The following POT1 variants were observed in gnomAD, a reference collection of about 807,000 sequenced individuals.
POT1 encodes protection of telomeres protein 1.
In POT1, 47 loss-of-function variants were observed where a neutral mutation model predicts 78.5. The ratio of observed to expected loss-of-function variants is 0.60; its 90% CI spans 0.47 to 0.76. The LOEUF is 0.76. Among genes scored for constraint, POT1 ranks in the 30% least tolerant of loss-of-function variants. POT1 has a pLI of 0.00. For synonymous variants in POT1, 259 were observed against 260.7 expected (o/e 0.99, Z 0.06); for missense variants, 646 against 749.9 (o/e 0.86, Z 1.62).
intron 7 of POT1, among the ~76,000 whole-genome samples, chr7:124,868,682 T>C (rs914519409): frequency 2.7e-5 from 4 of 150,444 alleles, no homozygotes; most frequent in African/African-American, 7.3e-5. Context: ...TCCTAAGGAA[T>C]TGGATTGAAT....
At chr7:124,871,617 A>G (rs1386996523) in intron 6 of POT1, among the ~76,000 whole-genome samples, 4 of 152,128 alleles carry the variant, frequency 2.6e-5, no homozygotes, top group African/African-American at 9.7e-5. Flanking sequence ...ATTATAACAA[A>G]AGAGAGGTAT....
At chr7:124,909,475 G>C (rs1796839919) in intron 3 of POT1, among the ~76,000 whole-genome samples, 2 of 151,838 alleles carry the variant, frequency 1.3e-5, no homozygotes, top group South Asian at 2.1e-4. Flanking sequence ...TTTACCTTTG[G>C]GTTGGAACAA....
At chr7:124,887,871 C>T (rs1796282955) in intron 6 of POT1, among the ~76,000 whole-genome samples, 1 of 152,082 alleles carries the variant, frequency 6.6e-6, no homozygotes, top group Non-Finnish European at 1.5e-5. Context: ...TTTATTACCT[C>T]ACAATAAACT....
intron 17 of POT1, among the ~76,000 whole-genome samples, chr7:124,827,009 T>C (rs1794646614): frequency 6.6e-6 from 1 of 152,188 alleles, no homozygotes; most frequent in Non-Finnish European, 1.5e-5. Flanking sequence ...TTCCTTAATT[T>C]TTCACTATTC....
At chr7:124,878,204 T>C (rs1469308756) in intron 6 of POT1, among the ~76,000 whole-genome samples, 1 of 151,926 alleles carries the variant, frequency 6.6e-6, no homozygotes, top group East Asian at 1.9e-4. Flanking sequence ...TGGTGGTGCG[T>C]GCCTGTAATC....
At chr7:124,899,713 A>G (rs938077874) in intron 3 of POT1, among the ~76,000 whole-genome samples, 4 of 146,436 alleles carry the variant, frequency 2.7e-5, no homozygotes, top group African/African-American at 7.7e-5. Flanking sequence ...GGAAGCCAAC[A>G]GTTTATCAGT....
chr7:124,908,103 C>A (rs1401306902), intron 3 of POT1, among the ~76,000 whole-genome samples: 1 of 151,866 alleles, frequency 6.6e-6, no homozygotes, highest in Non-Finnish European at 1.5e-5. Flanking sequence ...AACTGATAAT[C>A]CAAAATGAAA....
intron 6 of POT1, among the ~76,000 whole-genome samples, chr7:124,876,582 G>A (rs1001022306): frequency 3.3e-5 from 5 of 152,138 alleles, no homozygotes; most frequent in African/African-American, 1.2e-4. Flanking sequence ...TCCCCACAAT[G>A]AGGTTATATC....
At chr7:124,891,127 T>G (rs1246012895) in intron 6 of POT1, among the ~76,000 whole-genome samples, 1 of 151,836 alleles carries the variant, frequency 6.6e-6, no homozygotes, top group Non-Finnish European at 1.5e-5. Flanking sequence ...TGAAACCTCC[T>G]ACTATAATTG....
chr7:124,882,936 T>A (rs1184620251), intron 6 of POT1, among the ~76,000 whole-genome samples: 1 of 151,984 alleles, frequency 6.6e-6, no homozygotes, highest in Non-Finnish European at 1.5e-5. Context: ...GAGAGGAAAG[T>A]GTCTTTTCTC....
intron 15 of POT1, among the ~76,000 whole-genome samples, chr7:124,834,588 G>A (rs978533111): frequency 1.3e-5 from 2 of 151,612 alleles, no homozygotes; most frequent in Admixed American, 1.3e-4. Flanking sequence ...AAAAAGTCAG[G>A]AAACAACAGA....
chr7:124,841,680 T>C (rs987118753), intron 13 of POT1, among the ~76,000 whole-genome samples: 3 of 152,004 alleles, frequency 2.0e-5, no homozygotes, highest in African/African-American at 7.2e-5. Context: ...AATGGCATCA[T>C]TTGGAATCAA....
At chr7:124,852,286 AAAGT>A (rs1457821423) in intron 10 of POT1, among the ~76,000 whole-genome samples, 3 of 152,214 alleles carry the variant, frequency 2.0e-5, no homozygotes, top group Non-Finnish European at 4.4e-5. Flanking sequence ...AATTGATATA[AAAGT>A]AATAAAACAG....
chr7:124,835,246 C>T, intron 15 of POT1, 33 bp downstream of exon 15: 1 of 600,080 alleles, frequency 1.7e-6, no homozygotes, highest in Non-Finnish European at 2.2e-6. Flanking sequence ...GTATAATAAA[C>T]AAAACAAAAC....
chr7:124,823,069 T>G lies in POT1; in HGVS notation c.*893A>C. ...CTGTGTGAACTTAGTCAAGTCAGCT[T>G]ATCAATCAAGCCTCAGATTTCTTAT... On this transcript the variant is annotated 3_prime_UTR_variant, in exon 19 of 19. Coordinates refer to ENST00000357628, the MANE Select transcript of POT1 (RefSeq NM_015450.3). The G allele has an allele frequency of 6.5e-6, 1 of 153,408 alleles. No homozygotes were observed. Among genetic ancestry groups the G allele is most frequent in the Non-Finnish European group, 1.5e-5 (1 of 68,812 alleles). 9.5% of individuals were successfully genotyped at this position (153,408 alleles called of 1,614,324 possible).
At chr7:124,929,672 C>T (rs1460603935) in intron 1 of POT1, 122 bp downstream of exon 1, 1 of 152,134 alleles carries the variant, frequency 6.6e-6, no homozygotes, top group Non-Finnish European at 1.5e-5. Context: ...GATAAACACT[C>T]GTAAGAAAGC....
At chr7:124,859,330 C>T (rs1795527393) in intron 8 of POT1, among the ~76,000 whole-genome samples, 1 of 152,122 alleles carries the variant, frequency 6.6e-6, no homozygotes, top group Admixed American at 6.5e-5. Context: ...AAAAGAGTCA[C>T]ACTGCCATAA....
chr7:124,836,780 A>G (rs67712588), intron 14 of POT1, among the ~76,000 whole-genome samples: 8,386 of 152,264 alleles, frequency 0.055, 595 homozygotes, highest in African/African-American at 0.16. Context: ...AAATGAGTTA[A>G]TATTTGTAAA....
At chr7:124,856,346 A>G (rs768321195) in intron 9 of POT1, among the ~76,000 whole-genome samples, 2 of 152,212 alleles carry the variant, frequency 1.3e-5, no homozygotes, top group Admixed American at 1.3e-4. Flanking sequence ...ATAAAAATCT[A>G]AAGTTATATT....
Sources: gnomAD v4.1 joint callset for allele counts (sites outside exome capture counted in the v4.1 genomes callset) on GRCh38, gnomAD v4.1.1 for gene constraint, MANE v1.5 for transcripts, NCBI Gene and HGNC (gene_info 2026-07-23, HGNC 2026-07-21) for gene names.